CHD7: variants seen among roughly 807,000 people sequenced by gnomAD.
The protein encoded by CHD7 is ATP-dependent chromatin remodeler CHD7.
In CHD7, 24 loss-of-function variants were observed where a neutral mutation model predicts 307.3. The ratio of observed to expected loss-of-function variants is 0.08; its 90% CI spans 0.06 to 0.11. CHD7 has a LOEUF of 0.11. CHD7 is among the 10% of genes least tolerant of loss of function. The pLI is 1.00. For missense variants in CHD7, 3,106 were observed against 3,727.1 expected (o/e 0.83, Z 4.34); for synonymous variants, 1,363 against 1,349.9 (o/e 1.01, Z -0.21).
chr8:60,727,055 C>T (rs1808197135), intron 1 of CHD7, among the ~76,000 whole-genome samples: 1 of 152,206 alleles, frequency 6.6e-6, no homozygotes, highest in South Asian at 2.1e-4. Flanking sequence ...AAATGCTTTA[C>T]AAATACTAAT....
At chr8:60,758,531 C>G (rs907048577) in intron 2 of CHD7, among the ~76,000 whole-genome samples, 44 of 152,298 alleles carry the variant, frequency 2.9e-4, no homozygotes, top group Non-Finnish European at 5.0e-4. Flanking sequence ...AAAATTCTCA[C>G]TTTTGTTTGA....
chr8:60,764,521 G>A (rs558410336), intron 2 of CHD7, among the ~76,000 whole-genome samples: 30 of 152,246 alleles, frequency 2.0e-4, no homozygotes, highest in African/African-American at 6.7e-4. Context: ...AATGAGATGA[G>A]GGATTGCAAT....
chr8:60,741,000 T>G (rs1410487617), intron 1 of CHD7, among the ~76,000 whole-genome samples: 1 of 152,228 alleles, frequency 6.6e-6, no homozygotes, highest in Non-Finnish European at 1.5e-5. Context: ...CTAGGAAGTG[T>G]AGTGAATGGA....
At chr8:60,729,640 G>A (rs1808341731) in intron 1 of CHD7, among the ~76,000 whole-genome samples, 1 of 152,158 alleles carries the variant, frequency 6.6e-6, no homozygotes, top group Non-Finnish European at 1.5e-5. Context: ...AACTGAGTAG[G>A]TGCCTGGTTC....
intron 1 of CHD7, among the ~76,000 whole-genome samples, chr8:60,686,808 G>A (rs1384849094): frequency 6.6e-6 from 1 of 152,150 alleles, no homozygotes; most frequent in Non-Finnish European, 1.5e-5. Flanking sequence ...TCTAAAAAAG[G>A]GTACATGGCA....
chr8:60,804,437 C>T (rs766548156), intron 6 of CHD7, among the ~76,000 whole-genome samples: 2 of 151,846 alleles, frequency 1.3e-5, no homozygotes, highest in Non-Finnish European at 2.9e-5. Flanking sequence ...AACTACAGGA[C>T]GTATTTTCAG....
chr8:60,808,419 T>A, intron 7 of CHD7, 147 bp downstream of exon 7: 2 of 619,756 alleles, frequency 3.2e-6, no homozygotes, highest in Non-Finnish European at 5.6e-6. Flanking sequence ...TAACCAACTT[T>A]TGTATGTTTG....
chr8:60,735,288 T>G (rs1457906585), intron 1 of CHD7, among the ~76,000 whole-genome samples: 3 of 152,220 alleles, frequency 2.0e-5, no homozygotes, highest in Non-Finnish European at 4.4e-5. Context: ...AATGCTAACA[T>G]AAGGCGTAGC....
chr8:60,830,897 T>G (rs942210855), intron 15 of CHD7, among the ~76,000 whole-genome samples: 1 of 152,140 alleles, frequency 6.6e-6, no homozygotes, highest in Non-Finnish European at 1.5e-5. Context: ...GAGCCCCTAA[T>G]GGAGGTTTTC....
At chr8:60,843,404 CATAA>C (rs911400886) in intron 21 of CHD7, among the ~76,000 whole-genome samples, 1 of 152,256 alleles carries the variant, frequency 6.6e-6, no homozygotes, top group African/African-American at 2.4e-5. Context: ...GAATGGAACA[CATAA>C]ATAACTCCTA....
intron 25 of CHD7, among the ~76,000 whole-genome samples, chr8:60,849,703 C>T (rs1484108176): frequency 4.6e-5 from 7 of 152,056 alleles, no homozygotes; most frequent in Admixed American, 3.9e-4. Flanking sequence ...CTCTGGAGGT[C>T]GCGGAGGTAT....
At chr8:60,835,093 G>A (rs1304214299) in intron 15 of CHD7, among the ~76,000 whole-genome samples, 1 of 152,176 alleles carries the variant, frequency 6.6e-6, no homozygotes, top group East Asian at 1.9e-4. Flanking sequence ...CCACCTTCAG[G>A]GAAAAGAGCT....
chr8:60,787,341 T>TC (rs898747920), intron 3 of CHD7, among the ~76,000 whole-genome samples: 3 of 152,084 alleles, frequency 2.0e-5, no homozygotes, highest in African/African-American at 7.2e-5. Context: ...ACTGCCAGAG[T>TC]CCCCCTTCCT....
At chr8:60,829,711 A>G (rs1158112802) in intron 14 of CHD7, among the ~76,000 whole-genome samples, 1 of 152,218 alleles carries the variant, frequency 6.6e-6, no homozygotes, top group East Asian at 1.9e-4. Flanking sequence ...ACGGAGATAG[A>G]CTTGAAATCT....
intron 19 of CHD7, among the ~76,000 whole-genome samples, chr8:60,838,509 G>A (rs555441985): frequency 6.6e-6 from 1 of 152,216 alleles, no homozygotes; most frequent in African/African-American, 2.4e-5. Flanking sequence ...GCTCACTTGT[G>A]TTCTTGACTC....
chr8:60,701,868 A>G (rs1157843282), intron 1 of CHD7, among the ~76,000 whole-genome samples: 2 of 152,196 alleles, frequency 1.3e-5, no homozygotes, highest in Non-Finnish European at 2.9e-5. Context: ...TGTAGGGCAC[A>G]TGTGTCTTGA....
chr8:60,763,880 G>T (rs554616968), intron 2 of CHD7, among the ~76,000 whole-genome samples: 1 of 152,154 alleles, frequency 6.6e-6, no homozygotes, highest in Non-Finnish European at 1.5e-5. Flanking sequence ...CTCCCACCCC[G>T]ACCAGTCAGT....
In CHD7 at chr8:60,841,786, T is replaced by C. The variant is rs372476498; in HGVS notation, c.4644+32T>C. On this transcript the variant is annotated intron_variant, in intron 20 of 37. Coordinates refer to ENST00000423902, the MANE Select transcript of CHD7 (RefSeq NM_017780.4). ...AAGAAGTCCCATTCGAACACCTATC[T>C]GATCTAAACCAAGAGCCACTCTTTG... is the stretch of plus-strand genomic sequence containing the variant. 20 of 1,606,196 alleles carry C rather than the reference T, an allele frequency of 1.2e-5. No individual in the cohort carries two copies. In the African/African-American group the frequency reaches 2.3e-4, roughly 18 times the overall value.
intron 15 of CHD7, 112 bp from the exon 16 acceptor site, chr8:60,835,961 G>A: frequency 1.4e-6 from 1 of 720,292 alleles, no homozygotes; most frequent in Admixed American, 2.4e-5. Flanking sequence ...TCATAAGCAG[G>A]AGTTTGGTGT....
Sources: gnomAD v4.1 joint callset for allele counts (sites outside exome capture counted in the v4.1 genomes callset) on GRCh38, gnomAD v4.1.1 for gene constraint, MANE v1.5 for transcripts, NCBI Gene and HGNC (gene_info 2026-07-23, HGNC 2026-07-21) for gene names.